The following DNAJC21 variants were observed in gnomAD, a reference collection of about 807,000 sequenced individuals.
DNAJC21 encodes the protein dnaJ homolog subfamily C member 21.
In DNAJC21, 63 loss-of-function variants were observed where a neutral mutation model predicts 72.4. That is an observed-to-expected ratio of 0.87 (90% CI 0.71 to 1.07). The LOEUF (loss-of-function observed/expected upper bound fraction) is 1.07. Among genes scored for constraint, DNAJC21 ranks in the 50% least tolerant of loss-of-function variants. The pLI is 0.00. For missense variants in DNAJC21, 634 were observed against 644.8 expected, an observed-to-expected ratio of 0.98 and a Z score of 0.18; for synonymous variants, 203 against 216.7, an observed-to-expected ratio of 0.94 and a Z score of 0.56.
At chr5:34,936,373 C>A in intron 4 of DNAJC21, 107 bp downstream of exon 4, 1 of 1,341,568 alleles carries the variant, frequency 7.5e-7, no homozygotes, top group Non-Finnish European at 1.0e-6. Flanking sequence ...GGCTGCAGTG[C>A]AGTGGTATGA....
intron 1 of DNAJC21, among the ~76,000 whole-genome samples, chr5:34,930,584 A>ATGTT (rs1764557437): frequency 6.6e-6 from 1 of 152,022 alleles, no homozygotes; most frequent in Non-Finnish European, 1.5e-5. Flanking sequence ...CTTCCTTTGG[A>ATGTT]TGTTTCATTG....
At position 34,937,367 on chromosome 5, in the gene DNAJC21, T is replaced by G. The variant is rs1764814106; in HGVS notation, c.480T>G (p.Thr160=). 3 of 1,613,488 alleles carry G rather than the reference T, an allele frequency of 1.9e-6. No homozygotes were observed. The highest frequency in any genetic ancestry group is 2.5e-6 in the Non-Finnish European group (3 of 1,179,900). ...ACGCTTATTGGCAGAGTTTCTGCAC[T>G]CAAAAGAATTTTGCATGGAAGGAAG... is the stretch of plus-strand genomic sequence containing the variant. ...PFYAYWQSFC[T]QKNFAWKEEY... is the part of the protein sequence containing the mutation. Residue 160 remains threonine, a synonymous_variant, in exon 5 of 12, where the codon ACT becomes ACG. Transcript: ENST00000648817.
intron 5 of DNAJC21, 127 bp downstream of exon 5, chr5:34,937,757 T>G: frequency 8.5e-7 from 1 of 1,170,220 alleles, no homozygotes; most frequent in Admixed American, 2.8e-5. Context: ...TCTTCTTTTT[T>G]AAATTGTGGC....
chr5:34,947,567 ATGTG>A (rs1253597061), intron 9 of DNAJC21, among the ~76,000 whole-genome samples: 1 of 145,910 alleles, frequency 6.9e-6, no homozygotes. Context: ...AGTTATTTTT[ATGTG>A]TAAGTATTTT....
intron 10 of DNAJC21, chr5:34,950,978 GCTTCAAGTTTCTGTCA>G (rs1765345723): frequency 2.0e-6 from 2 of 985,160 alleles, no homozygotes; most frequent in Non-Finnish European, 2.4e-6. Flanking sequence ...ATAGTGAGGA[GCTTCAAGTTTCTGTCA>G]TTACAGAACC....
intron 10 of DNAJC21, chr5:34,950,622 G>T: frequency 9.5e-7 from 1 of 1,051,566 alleles, no homozygotes. Flanking sequence ...CTGCTGTGGC[G>T]CTGATTTTGT....
intron 10 of DNAJC21, chr5:34,952,123 ATGTGTGTGTGTGTG>A: frequency 1.1e-5 from 10 of 946,432 alleles, no homozygotes; most frequent in Non-Finnish European, 1.3e-5. Flanking sequence ...TTTTTAAAAA[ATGTGTGTGTGTGTG>A]TGTGTGTGTG....
At chr5:34,952,000 A>G in intron 10 of DNAJC21, 2 of 985,402 alleles carry the variant, frequency 2.0e-6, no homozygotes, top group South Asian at 4.7e-5. Context: ...CATTATACCC[A>G]GCACCCTCCC....
In DNAJC21 at chr5:34,949,480, A is replaced by T; in HGVS notation, c.1186-690A>T. Reference sequence around the variant, plus strand: ...TAAATTTGAATGTGGGTTGTGTAACAGATAATATTAGCATTAGATTCTTGA... The same window carrying T: ...TAAATTTGAATGTGGGTTGTGTAACTGATAATATTAGCATTAGATTCTTGA... On this transcript the variant is annotated intron_variant, in intron 9 of 11. Transcript: ENST00000648817. The T allele has an allele frequency of 3.9e-6, 6 of 1,547,306 alleles. No individual in the cohort carries two copies. The South Asian group carries it at 7.2e-5, about 19-fold the overall frequency.
intron 6 of DNAJC21, among the ~76,000 whole-genome samples, chr5:34,940,081 C>T (rs988029943): frequency 2.0e-5 from 3 of 152,106 alleles, no homozygotes; most frequent in Non-Finnish European, 4.4e-5. Context: ...CTCACTGGAT[C>T]GTCACACAAT....
chr5:34,930,575 T>C (rs1278468293), intron 1 of DNAJC21, among the ~76,000 whole-genome samples: 1 of 152,188 alleles, frequency 6.6e-6, no homozygotes, highest in East Asian at 1.9e-4. Flanking sequence ...AGAAGTATCC[T>C]TCCTTTGGAT....
At chr5:34,952,737 A>G (rs1765416011) in intron 10 of DNAJC21, 1 of 152,228 alleles carries the variant, frequency 6.6e-6, no homozygotes, top group South Asian at 2.1e-4. Context: ...ATTTTTAAAT[A>G]AAAGTAACTT....
At chr5:34,953,694 T>TTTGGCACAAAAA (rs1765450509) in intron 10 of DNAJC21, 1 of 421,316 alleles carries the variant, frequency 2.4e-6, no homozygotes, top group African/African-American at 2.0e-5. Context: ...TTTCAACTGT[T>TTTGGCACAAAAA]TTAAGGAAAT....
At chr5:34,939,478 G>C (rs1225353250) in intron 6 of DNAJC21, among the ~76,000 whole-genome samples, 2 of 151,676 alleles carry the variant, frequency 1.3e-5, no homozygotes, top group Non-Finnish European at 2.9e-5. Flanking sequence ...TGTTAGCCAG[G>C]ATGGTCTCGA....
At position 34,936,024 on chromosome 5, in the gene DNAJC21, G is replaced by T. The variant is rs1052990667; in HGVS notation, c.316-120G>T. 2.7e-6 allele frequency: 4 copies of T among 1,459,166 alleles called. No individual in the cohort carries two copies. In the African/African-American group the frequency reaches 5.7e-5, roughly 21 times the overall value. 90.4% of individuals were successfully genotyped at this position (1,459,166 alleles called of 1,614,324 possible). A position where few individuals can be genotyped will look rare whatever the true frequency, so the allele number is the denominator to read the frequency against. ...CTAGTTGAAATCTAAATGTATTGCAGGGACTGAACTTTGTCCCAAAATTCT... is the reference window on the plus strand; with the variant it reads ...CTAGTTGAAATCTAAATGTATTGCATGGACTGAACTTTGTCCCAAAATTCT... On this transcript the variant is annotated intron_variant, in intron 3 of 11. Coordinates refer to ENST00000648817, the MANE Select transcript of DNAJC21 (RefSeq NM_001012339.3).
At chr5:34,939,970 C>T (rs775212411) in intron 6 of DNAJC21, among the ~76,000 whole-genome samples, 2 of 152,118 alleles carry the variant, frequency 1.3e-5, no homozygotes, top group Non-Finnish European at 2.9e-5. Context: ...AGAAGTAATA[C>T]TTTTGAAAGT....
rs946819420 is a variant in DNAJC21, at chr5:34,956,755, A to G, written c.*2041A>G. On this transcript the variant is annotated 3_prime_UTR_variant, in exon 12 of 12. Transcript: ENST00000648817. ...TTATTCGGATTGACGAAAATCAACC[A>G]TAATTTTCAAGGGATCTTCATGGGT... 1 of 152,224 alleles carries G rather than the reference A, an allele frequency of 6.6e-6. No homozygotes were observed. Among genetic ancestry groups the G allele is most frequent in the African/African-American group, 2.4e-5 (1 of 41,454 alleles). 9.4% of individuals were successfully genotyped at this position (152,224 alleles called of 1,614,324 possible).
At chr5:34,937,031 G>A (rs762924288) in intron 4 of DNAJC21, among the ~76,000 whole-genome samples, 4 of 152,180 alleles carry the variant, frequency 2.6e-5, no homozygotes, top group Non-Finnish European at 4.4e-5. Flanking sequence ...GATTACAGGC[G>A]TGAGCCACCA....
At chr5:34,945,152 A>T (rs1196074956) in intron 8 of DNAJC21, 127 bp downstream of exon 8, 6 of 1,122,186 alleles carry the variant, frequency 5.3e-6, no homozygotes, top group Non-Finnish European at 6.4e-6. Flanking sequence ...GTCTCAGCTC[A>T]CTGCAACCTC....
Sources: allele counts gnomAD v4.1 joint callset (sites outside exome capture counted in the v4.1 genomes callset), GRCh38; gene constraint gnomAD v4.1.1; transcripts MANE v1.5; gene names NCBI Gene and HGNC (gene_info 2026-07-23, HGNC 2026-07-21).